The following PDE4B variants were observed in gnomAD, a reference collection of about 807,000 sequenced individuals.
PDE4B encodes 3',5'-cyclic-AMP phosphodiesterase 4B.
A neutral mutation model predicts 82.2 loss-of-function variants in PDE4B; 20 were observed. The observed-to-expected ratio is 0.24, with a 90% confidence interval of 0.17 to 0.35. PDE4B has a LOEUF of 0.35. Among genes scored for constraint, PDE4B ranks in the 10% least tolerant of loss-of-function variants. PDE4B has a pLI of 1.00. For missense variants in PDE4B, 655 were observed against 907.2 expected (o/e 0.72, Z 3.57); for synonymous variants, 320 against 318.9 (o/e 1.00, Z -0.04).
intron 7 of PDE4B, among the ~76,000 whole-genome samples, chr1:66,315,887 A>G (rs957481692): frequency 1.3e-5 from 2 of 152,066 alleles, no homozygotes; most frequent in Non-Finnish European, 2.9e-5. Flanking sequence ...GGAACTGTGG[A>G]ATTCAGAGTT....
chr1:66,228,626 T>TAA (rs77946467), intron 3 of PDE4B, among the ~76,000 whole-genome samples: 2,644 of 135,086 alleles, frequency 0.02, 78 homozygotes, highest in African/African-American at 0.063. Context: ...AAGACTCCGT[T>TAA]AAAAAAAAAA....
intron 8 of PDE4B, among the ~76,000 whole-genome samples, chr1:66,351,231 G>T (rs1339348319): frequency 6.6e-6 from 1 of 152,240 alleles, no homozygotes; most frequent in African/African-American, 2.4e-5. Flanking sequence ...TAGGTAGGCT[G>T]TAACAGGGTT....
At chr1:66,223,907 C>T (rs781138038) in intron 3 of PDE4B, among the ~76,000 whole-genome samples, 3 of 152,184 alleles carry the variant, frequency 2.0e-5, no homozygotes, top group Admixed American at 6.5e-5. Flanking sequence ...CTCTTTGTCT[C>T]CGTGACAAAT....
At chr1:66,216,639 C>T (rs1650487663) in intron 3 of PDE4B, among the ~76,000 whole-genome samples, 1 of 152,182 alleles carries the variant, frequency 6.6e-6, no homozygotes, top group Non-Finnish European at 1.5e-5. Flanking sequence ...AGACTGCTCT[C>T]TTAAGACACC....
intron 3 of PDE4B, among the ~76,000 whole-genome samples, chr1:66,118,826 C>A (rs1001212177): frequency 2.0e-5 from 3 of 151,430 alleles, no homozygotes; most frequent in Admixed American, 6.6e-5. Context: ...CCTATTTTTT[C>A]TTTCTTCTCT....
intron 1 of PDE4B, among the ~76,000 whole-genome samples, chr1:65,886,228 A>G (rs953482196): frequency 3.3e-5 from 5 of 152,066 alleles, no homozygotes; most frequent in African/African-American, 1.2e-4. Flanking sequence ...ACAAACTATT[A>G]TTTTTTCATC....
chr1:66,042,503 A>G (rs1654440502), intron 3 of PDE4B: 1 of 151,852 alleles, frequency 6.6e-6, no homozygotes, highest in South Asian at 2.1e-4. Flanking sequence ...TCTGAAATAC[A>G]TTTTTGAATG....
At chr1:65,971,756 A>G (rs570906543) in intron 3 of PDE4B, among the ~76,000 whole-genome samples, 1 of 152,194 alleles carries the variant, frequency 6.6e-6, no homozygotes, top group East Asian at 1.9e-4. Context: ...GAGAATGTAA[A>G]TGAGGGAGAA....
At chr1:66,215,174 T>A (rs1339145185) in intron 3 of PDE4B, among the ~76,000 whole-genome samples, 1 of 152,160 alleles carries the variant, frequency 6.6e-6, no homozygotes, top group Non-Finnish European at 1.5e-5. Context: ...CTCAGAAATC[T>A]CTTTCAACAG....
chr1:66,172,389 G>A (rs1646854104), intron 3 of PDE4B, among the ~76,000 whole-genome samples: 1 of 152,152 alleles, frequency 6.6e-6, no homozygotes, highest in Non-Finnish European at 1.5e-5. Context: ...CTTTGCTATT[G>A]TGAATAGTGC....
intron 3 of PDE4B, among the ~76,000 whole-genome samples, chr1:66,198,146 T>A (rs947486463): frequency 6.6e-6 from 1 of 152,114 alleles, no homozygotes; most frequent in Non-Finnish European, 1.5e-5. Flanking sequence ...ATCTGGAGAC[T>A]TAAGATCAAA....
chr1:66,233,608 G>C (rs1570524156), intron 3 of PDE4B, among the ~76,000 whole-genome samples: 1 of 152,304 alleles, frequency 6.6e-6, no homozygotes, highest in Middle Eastern at 3.4e-3. Flanking sequence ...TAATTTTATA[G>C]AGAAATAATT....
At chr1:65,917,735 T>C (rs1160546919) in intron 2 of PDE4B, among the ~76,000 whole-genome samples, 1 of 152,208 alleles carries the variant, frequency 6.6e-6, no homozygotes, top group African/African-American at 2.4e-5. Context: ...CTGAATAAAG[T>C]ATACTTCTTT....
chr1:65,948,883 G>C (rs1648850800), intron 3 of PDE4B, among the ~76,000 whole-genome samples: 1 of 152,064 alleles, frequency 6.6e-6, no homozygotes, highest in African/African-American at 2.4e-5. Flanking sequence ...TGGAAATAAG[G>C]CTTTTCACTG....
chr1:66,306,054 T>A (rs1658253409), intron 7 of PDE4B, among the ~76,000 whole-genome samples: 1 of 152,044 alleles, frequency 6.6e-6, no homozygotes, highest in African/African-American at 2.4e-5. Flanking sequence ...AGAATTTCAA[T>A]AAGGGATTAT....
rs960636372 is a variant in PDE4B at position 66,044,580 on chromosome 1, GA to G, written c.281+125750del. ...AACATTGGCTATATCTTTAATTAGA[GA>G]AAAATTTCTGGACTCACGACGAGCA... On this transcript the variant is annotated intron_variant, in intron 3 of 16. Coordinates refer to ENST00000341517, the MANE Select transcript of PDE4B (RefSeq NM_002600.4). Among the ~76,000 whole-genome samples, 33 of 151,604 alleles carry G rather than the reference GA, an allele frequency of 2.2e-4. 1 individual carries two copies. The highest frequency in any genetic ancestry group is 8.0e-4 in the African/African-American group (33 of 41,344).
chr1:66,103,181 G>A (rs981247671), intron 3 of PDE4B, among the ~76,000 whole-genome samples: 5 of 152,114 alleles, frequency 3.3e-5, no homozygotes, highest in Non-Finnish European at 7.4e-5. Flanking sequence ...AGTCTTCACC[G>A]AAAGGTTGAA....
chr1:66,296,719 G>C (rs941968163), intron 7 of PDE4B, among the ~76,000 whole-genome samples: 2 of 152,054 alleles, frequency 1.3e-5, no homozygotes, highest in Non-Finnish European at 2.9e-5. Context: ...AGAGGCTGGC[G>C]CATATTTGTT....
chr1:66,186,691 C>G (rs7546323), intron 3 of PDE4B, among the ~76,000 whole-genome samples: 75,861 of 151,692 alleles, frequency 0.5, 19,542 homozygotes, highest in South Asian at 0.63. Context: ...TTTGTATCCT[C>G]AGACTTTGCT....
Sources: gnomAD v4.1 joint callset for allele counts (sites outside exome capture counted in the v4.1 genomes callset) on GRCh38, gnomAD v4.1.1 for gene constraint, MANE v1.5 for transcripts, NCBI Gene and HGNC (gene_info 2026-07-23, HGNC 2026-07-21) for gene names.